PPP1R9B: variants seen among roughly 807,000 people sequenced by gnomAD.
The protein encoded by PPP1R9B is neurabin-2.
Under a neutral mutation model 75.8 loss-of-function variants are expected in PPP1R9B, and 17 were observed. The ratio of observed to expected loss-of-function variants is 0.22; its 90% CI spans 0.15 to 0.34. The LOEUF (loss-of-function observed/expected upper bound fraction) is 0.34. Ranked by LOEUF, PPP1R9B falls within the 10% of genes least tolerant of loss-of-function variation. The pLI, the probability that PPP1R9B is intolerant of heterozygous loss-of-function variation, is 1.00. For synonymous variants in PPP1R9B, 509 were observed against 535.4 expected (o/e 0.95, Z 0.68); for missense variants, 875 against 1,196.0 (o/e 0.73, Z 3.96).
At position 50,150,074 on chromosome 17, in the gene PPP1R9B, G is replaced by C; in HGVS notation, c.440C>G (p.Thr147Arg). 7.0e-7 allele frequency: 1 copy of C among 1,437,844 alleles called. No homozygotes were observed. Among genetic ancestry groups the C allele is most frequent in the Non-Finnish European group, 9.1e-7 (1 of 1,102,626 alleles). 89.1% of individuals were successfully genotyped at this position (1,437,844 alleles called of 1,614,324 possible). A position where few individuals can be genotyped will look rare whatever the true frequency, so the allele number is the denominator to read the frequency against. ...GGCGCTCCGTTCGAACAGCTTCCGC[G>C]TCTCCTGCAGCCGGGACGGCGGGTG... ...PPHPPSRLQE[T>R]RKLFERSAPA... The change falls in exon 1 of 10, where the codon ACG becomes AGG. Residue 147 changes from threonine (T) to arginine (R), a missense_variant. This residue lies in a region of PPP1R9B where 449 missense variants were observed against 475.0 expected (regional missense o/e 0.95). Coordinates refer to ENST00000612501, the MANE Select transcript of PPP1R9B (RefSeq NM_032595.5). The surrounding 1 kb of genome is among the most constrained non-coding windows in gnomAD (Gnocchi z 8.7).
chr17:50,146,430 C>A (rs1912520068), intron 1 of PPP1R9B, among the ~76,000 whole-genome samples: 1 of 152,150 alleles, frequency 6.6e-6, no homozygotes. Flanking sequence ...GACCCCATCT[C>A]CCCCAAGGGC....
chr17:50,141,994 G>A (rs1274495529), intron 3 of PPP1R9B, among the ~76,000 whole-genome samples: 2 of 152,180 alleles, frequency 1.3e-5, no homozygotes, highest in Non-Finnish European at 1.5e-5. Flanking sequence ...CAGCACACAA[G>A]TGACATGCCA....
chr17:50,138,681 T>C (rs1912293444), intron 7 of PPP1R9B, among the ~76,000 whole-genome samples: 1 of 152,176 alleles, frequency 6.6e-6, no homozygotes, highest in Non-Finnish European at 1.5e-5. Context: ...TGGAGTGCAG[T>C]GGCACAATCA....
At position 50,135,213 on chromosome 17, in the gene PPP1R9B, G is replaced by A; in HGVS notation, c.*118C>T. 1 of 746,746 alleles carries A rather than the reference G, an allele frequency of 1.3e-6. No homozygotes were observed. Among genetic ancestry groups the A allele is most frequent in the Non-Finnish European group, 2.3e-6 (1 of 441,764 alleles). 46.3% of individuals were successfully genotyped at this position (746,746 alleles called of 1,614,324 possible). On this transcript the variant is annotated 3_prime_UTR_variant, in exon 10 of 10. Transcript: ENST00000612501. ...GCTGGGGGAGGTGGGGTGGAGGGGT[G>A]GGGGGAGTCGGGGCACCTGTCCCCA...
At position 50,143,616 on chromosome 17, in the gene PPP1R9B, G is replaced by A. The variant is rs1240038450; in HGVS notation, c.1607C>T (p.Ala536Val). Reference protein sequence around the residue: ...IFVKTVTEGGAAHRDGRIQVN... With the variant: ...IFVKTVTEGGVAHRDGRIQVN... ...TTGGTACCTGCCATCCCGATGGGCC[G>A]CACCACCCTCCGTCACGGTCTTGAC... The change falls in exon 3 of 10, where the codon GCG becomes GTG. Residue 536 changes from alanine to valine, a missense_variant. This residue lies in a region of PPP1R9B where 63 missense variants were observed against 160.2 expected (regional missense o/e 0.39). Transcript: ENST00000612501. 5.6e-6 allele frequency: 9 copies of A among 1,613,780 alleles called. No homozygotes were observed. Among genetic ancestry groups the A allele is most frequent in the South Asian group, 2.2e-5 (2 of 91,086 alleles).
rs968519036 is a variant in PPP1R9B at position 50,142,380 on chromosome 17, C to A, written c.1626-1007G>T. Among the ~76,000 whole-genome samples, 1 of 152,234 alleles carries A rather than the reference C, an allele frequency of 6.6e-6. No homozygotes were observed. Among genetic ancestry groups the A allele is most frequent in the Non-Finnish European group, 1.5e-5 (1 of 68,038 alleles). ...TGAGTGAGTGGCCACGGCCACCATG[C>A]ACACTCACTCCTTAGACAACCCACA... On this transcript the variant is annotated intron_variant, in intron 3 of 9. Coordinates refer to ENST00000612501, the MANE Select transcript of PPP1R9B (RefSeq NM_032595.5). The surrounding 1 kb of genome is among the most constrained non-coding windows in gnomAD (Gnocchi z 4.1).
Position 50,145,341 on chromosome 17 carries a change from A to C in PPP1R9B, c.1372-96T>G. ...GGAGGCAGGCTGAGTTACCCACCCC[A>C]TGCCTCCCCATGATAGCCCTGAGAT... On this transcript the variant is annotated intron_variant, in intron 1 of 9. Transcript: ENST00000612501. The C allele has an allele frequency of 2.0e-6, 3 of 1,473,970 alleles. No homozygotes were observed. The South Asian group carries it at 3.5e-5, about 17-fold the overall frequency. The allele number at this position is 1,473,970 out of a possible 1,614,324, so 91.3% of individuals were successfully genotyped here.
chr17:50,133,833 G>A lies in PPP1R9B; in HGVS notation c.*1498C>T, dbSNP rs1281467913. The A allele has an allele frequency of 6.6e-6, 1 of 152,408 alleles. No individual in the cohort carries two copies. The highest frequency in any genetic ancestry group is 2.4e-5 in the African/African-American group (1 of 41,442). 9.4% of individuals were successfully genotyped at this position (152,408 alleles called of 1,614,324 possible). On this transcript the variant is annotated 3_prime_UTR_variant, in exon 10 of 10. Transcript: ENST00000612501. ...ATATATATATTATATACAGAGATGC[G>A]GCCCTCCCGACGGCTGGGCAGGGGT... is the stretch of plus-strand genomic sequence containing the variant.
At chr17:50,148,943 C>G (rs150598777) in intron 1 of PPP1R9B, among the ~76,000 whole-genome samples, 200 bp downstream of exon 1, 5 of 152,144 alleles carry the variant, frequency 3.3e-5, no homozygotes, top group Admixed American at 6.5e-5. Flanking sequence ...CAGGCCACCC[C>G]CCTCGCACAC....
intron 1 of PPP1R9B, among the ~76,000 whole-genome samples, chr17:50,146,638 A>T (rs985034696): frequency 2.6e-5 from 4 of 152,310 alleles, no homozygotes; most frequent in Non-Finnish European, 4.4e-5. Flanking sequence ...CCCTCTGGTC[A>T]CTTAGCTCAA....
chr17:50,150,671 C>A lies in PPP1R9B; in HGVS notation c.-158G>T. The A allele has an allele frequency of 1.5e-6, 1 of 662,612 alleles. No homozygotes were observed. 41.0% of individuals were successfully genotyped at this position (662,612 alleles called of 1,614,324 possible). ...AACCAAGCTGCCAAAAACAGTTAAT[C>A]CCGCTTTAAAAAAAAAAATGAAAAA... is the stretch of plus-strand genomic sequence containing the variant. On this transcript the variant is annotated 5_prime_UTR_variant, in exon 1 of 10. Coordinates refer to ENST00000612501, the MANE Select transcript of PPP1R9B (RefSeq NM_032595.5). This position sits in a 1 kb window ranked among gnomAD's most constrained non-coding sequence, Gnocchi z 8.7.
chr17:50,145,036 G>GGCT, intron 2 of PPP1R9B, 77 bp downstream of exon 2: 1 of 1,548,946 alleles, frequency 6.5e-7, no homozygotes, highest in Admixed American at 1.9e-5. Context: ...GAGGGCACAG[G>GGCT]GCAGGAGCTG....
At chr17:50,137,988 G>C (rs368635788) in intron 7 of PPP1R9B, among the ~76,000 whole-genome samples, 3 of 152,304 alleles carry the variant, frequency 2.0e-5, no homozygotes, top group Non-Finnish European at 2.9e-5. Flanking sequence ...GACCCCTATA[G>C]ATCTGTCTCT....
At position 50,135,584 on chromosome 17, in the gene PPP1R9B, C is replaced by A; in HGVS notation, c.2369G>T (p.Arg790Ile). 6.2e-7 allele frequency: 1 copy of A among 1,611,186 alleles called. No homozygotes were observed. Among genetic ancestry groups the A allele is most frequent in the Admixed American group, 1.7e-5 (1 of 59,450 alleles). ...RRVLEESELARKEEMDKLLDK... is the reference protein window; with the variant it reads ...RRVLEESELAIKEEMDKLLDK... Reference sequence around the variant, plus strand: ...CAGGAGCTTGTCCATCTCCTCCTTTCTGGCCAGCTCCGACTCCTCCAGAAC... The same window carrying A: ...CAGGAGCTTGTCCATCTCCTCCTTTATGGCCAGCTCCGACTCCTCCAGAAC... The change falls in exon 9 of 10, where the codon AGA (arginine) becomes ATA (isoleucine). Residue 790 changes from arginine (R) to isoleucine (I), a missense_variant. By Grantham distance (97) the Arg-to-Ile change is moderately conservative. This residue lies in a region of PPP1R9B where 218 missense variants were observed against 334.6 expected (regional missense o/e 0.65). Coordinates refer to ENST00000612501, the MANE Select transcript of PPP1R9B (RefSeq NM_032595.5).
At position 50,135,654 on chromosome 17, in the gene PPP1R9B, G is replaced by A; in HGVS notation, c.2304-5C>T. 6.3e-7 allele frequency: 1 copy of A among 1,599,902 alleles called. No homozygotes were observed. Among genetic ancestry groups the A allele is most frequent in the Non-Finnish European group, 8.5e-7 (1 of 1,172,520 alleles). ...TTTTTCAGGAACTCGATCTCCCTGG[G>A]CACAGGCAAGGGACAGATGGCAGGT... On this transcript the variant is annotated splice_region_variant and splice_polypyrimidine_tract_variant and intron_variant, in intron 8 of 9. Transcript: ENST00000612501.
Position 50,150,199 on chromosome 17 carries a change from C to G in PPP1R9B, c.315G>C (p.Val105=), listed in dbSNP as rs1051254186. The G allele has an allele frequency of 1.4e-5, 20 of 1,461,394 alleles. No individual in the cohort carries two copies. The African/African-American group carries it at 2.8e-4, about 20-fold the overall frequency. The allele number at this position is 1,461,394 out of a possible 1,614,324, so 90.5% of individuals were successfully genotyped here. Residue 105 remains valine, a synonymous_variant, in exon 1 of 10, where the codon GTG becomes GTC. Transcript: ENST00000612501. This position sits in a 1 kb window ranked among gnomAD's most constrained non-coding sequence, Gnocchi z 8.7. ...CCAGCTTCAGCAGGGCGCTGTGGTC[C>G]ACGTTCTCGTTCAGGCTGCTGGCCC... ...LPRASSLNEN[V]DHSALLKLGT...
chr17:50,137,597 A>G (rs1912263380), intron 7 of PPP1R9B, among the ~76,000 whole-genome samples: 1 of 152,036 alleles, frequency 6.6e-6, no homozygotes, highest in Non-Finnish European at 1.5e-5. Context: ...CTGCCAGGAC[A>G]CTGTCTGGGC....
At position 50,148,943 on chromosome 17, in the gene PPP1R9B, C is replaced by T. The variant is rs150598777; in HGVS notation, c.1371+200G>A. ...GAGGGCAGGTCGGGGCAGGCCACCC[C>T]CCTCGCACACCTGAAAATCCCTCTC... is the stretch of plus-strand genomic sequence containing the variant. On this transcript the variant is annotated intron_variant, in intron 1 of 9. Transcript: ENST00000612501. 4.5e-3 allele frequency among the ~76,000 whole-genome samples: 688 copies of T among 152,262 alleles called. 2 individuals are homozygous for T. Among genetic ancestry groups the T allele is most frequent in the Non-Finnish European group, 7.5e-3 (509 of 68,012 alleles).
intron 9 of PPP1R9B, 22 bp from the exon 10 acceptor site, chr17:50,135,406 G>C (rs1184143837): frequency 1.2e-6 from 2 of 1,612,718 alleles, no homozygotes; most frequent in African/African-American, 2.7e-5. Context: ...AGGAGGGTAG[G>C]GGGTCAGGTC....
Sources: gnomAD v4.1 joint callset for allele counts (sites outside exome capture counted in the v4.1 genomes callset) on GRCh38, gnomAD v4.1.1 for gene constraint, gnomAD v4.1.1 regional missense constraint, Gnocchi (gnomAD v3.1) non-coding constraint, MANE v1.5 for transcripts, NCBI Gene and HGNC (gene_info 2026-07-23, HGNC 2026-07-21) for gene names.